FTO: variants seen among roughly 807,000 people sequenced by gnomAD.
FTO encodes the protein FTO alpha-ketoglutarate dependent dioxygenase.
Under a neutral mutation model 63.9 loss-of-function variants are expected in FTO, and 47 were observed. The ratio of observed to expected loss-of-function variants is 0.74; its 90% confidence interval spans 0.58 to 0.94. The LOEUF (loss-of-function observed/expected upper bound fraction) is 0.94. FTO is among the 40% of genes least tolerant of loss of function. FTO has a pLI of 0.00. For synonymous variants in FTO, 207 were observed against 224.4 expected (o/e 0.92, Z 0.69); for missense variants, 562 against 618.1 (o/e 0.91, Z 0.96).
At chr16:53,791,134 A>T (rs1222969203) in intron 1 of FTO, among the ~76,000 whole-genome samples, 1 of 152,226 alleles carries the variant, frequency 6.6e-6, no homozygotes, top group African/African-American at 2.4e-5. Context: ...CTTGGGAAGA[A>T]TAGTTTCAGC....
Position 53,785,841 on chromosome 16 carries a change from C to T in FTO, c.46-24299C>T, listed in dbSNP as rs189418876. On this transcript the variant is annotated intron_variant, in intron 1 of 8. Transcript: ENST00000471389. ...AGGAGAATTGCTTGAACCCGGGAGG[C>T]GGAGGTTGCAGTTAGCCGAGATTCC... is the stretch of plus-strand genomic sequence containing the variant. Among the ~76,000 whole-genome samples, 7 of 148,872 alleles carry T rather than the reference C, an allele frequency of 4.7e-5. No homozygotes were observed. In the South Asian group the frequency reaches 8.6e-4, roughly 18 times the overall value.
At chr16:53,807,119 A>G (rs933333437) in intron 1 of FTO, among the ~76,000 whole-genome samples, 1 of 152,190 alleles carries the variant, frequency 6.6e-6, no homozygotes, top group Non-Finnish European at 1.5e-5. Flanking sequence ...GTTTGTAAAT[A>G]TTGTTATTTA....
intron 3 of FTO, among the ~76,000 whole-genome samples, chr16:53,833,599 G>A (rs1000220074): frequency 3.3e-5 from 5 of 152,118 alleles, no homozygotes; most frequent in Admixed American, 1.3e-4. Context: ...GTACTTTTGC[G>A]TAGGATTGCT....
chr16:53,817,972 C>T (rs1451681388), intron 2 of FTO, among the ~76,000 whole-genome samples: 1 of 152,116 alleles, frequency 6.6e-6, no homozygotes, highest in Non-Finnish European at 1.5e-5. Context: ...ACTGCATACT[C>T]ATTGGAAAAA....
At chr16:54,019,628 T>A (rs2084540802) in intron 8 of FTO, among the ~76,000 whole-genome samples, 1 of 105,858 alleles carries the variant, frequency 9.4e-6, no homozygotes, top group Non-Finnish European at 1.7e-5. Context: ...AACACCTCGG[T>A]TTCTAGATTC....
At chr16:54,084,527 G>T (rs1380572881) in intron 8 of FTO, among the ~76,000 whole-genome samples, 3 of 152,182 alleles carry the variant, frequency 2.0e-5, no homozygotes, top group African/African-American at 7.2e-5. Context: ...GACTTAAACA[G>T]TGTATTTTCT....
chr16:54,022,477 T>C (rs530951378), intron 8 of FTO, among the ~76,000 whole-genome samples: 2 of 152,320 alleles, frequency 1.3e-5, no homozygotes, highest in East Asian at 1.9e-4. Flanking sequence ...ATTACTTTAT[T>C]TGAAACAGCA....
At chr16:53,898,175 A>G (rs2081317237) in intron 7 of FTO, among the ~76,000 whole-genome samples, 1 of 151,958 alleles carries the variant, frequency 6.6e-6, no homozygotes, top group Non-Finnish European at 1.5e-5. Flanking sequence ...GCCCTGCAGG[A>G]TCTGTCCATT....
At chr16:54,033,521 G>A (rs2084876400) in intron 8 of FTO, among the ~76,000 whole-genome samples, 1 of 152,210 alleles carries the variant, frequency 6.6e-6, no homozygotes, top group African/African-American at 2.4e-5. Context: ...ATTTGTCTTT[G>A]TAAAGGTCAG....
chr16:53,828,940 G>C lies in FTO; in HGVS notation c.751+2449G>C, dbSNP rs549988202. On this transcript the variant is annotated intron_variant, in intron 3 of 8. Coordinates refer to ENST00000471389, the MANE Select transcript of FTO (RefSeq NM_001080432.3). ...GAGTGTTGCTCTATCTCCCAGGCCG[G>C]AGTGCAGTGGCACGATCTCGGCTCA... Among the ~76,000 whole-genome samples the C allele has an allele frequency of 2.0e-5, 3 of 152,184 alleles. No individual in the cohort carries two copies. In the South Asian group the frequency reaches 6.2e-4, roughly 32 times the overall value.
chr16:53,867,086 T>TG (rs1181540167), intron 4 of FTO, among the ~76,000 whole-genome samples: 1 of 152,086 alleles, frequency 6.6e-6, no homozygotes. Flanking sequence ...GTAAGTTGTG[T>TG]TTTCACTTTC....
intron 8 of FTO, among the ~76,000 whole-genome samples, chr16:54,002,585 A>G (rs1382756780): frequency 6.6e-6 from 1 of 152,232 alleles, no homozygotes; most frequent in East Asian, 1.9e-4. Flanking sequence ...TTTCATGGAA[A>G]GAGATCTCTA....
At chr16:53,978,687 CA>C (rs1295355504) in intron 8 of FTO, among the ~76,000 whole-genome samples, 1 of 152,030 alleles carries the variant, frequency 6.6e-6, no homozygotes, top group African/African-American at 2.4e-5. Flanking sequence ...TAGAAAAGCA[CA>C]AAAGGAAAAT....
intron 8 of FTO, among the ~76,000 whole-genome samples, chr16:54,024,564 G>T (rs546245715): frequency 6.6e-6 from 1 of 152,164 alleles, no homozygotes; most frequent in Non-Finnish European, 1.5e-5. Context: ...TGCCACCAGC[G>T]ATAGAGAAGT....
Position 53,879,954 on chromosome 16 carries a change from A to C in FTO, c.1086A>C (p.Ala362=). The change falls in exon 6 of 9, where the codon GCA becomes GCC. Residue 362 remains alanine (A), a synonymous_variant. Coordinates refer to ENST00000471389, the MANE Select transcript of FTO (RefSeq NM_001080432.3). ...DDVSLKSFEP[A]VLKQGEEIHN... is the part of the protein sequence containing the mutation. ...TCTCTTTGAAATCCTTTGAGCCTGC[A>C]GTTTTGAAACAAGGAGAAGAAATTC... 6.2e-7 allele frequency: 1 copy of C among 1,613,536 alleles called. No homozygotes were observed. The highest frequency in any genetic ancestry group is 1.1e-5 in the South Asian group (1 of 91,056).
intron 7 of FTO, among the ~76,000 whole-genome samples, chr16:53,910,358 G>C (rs1170041839): frequency 1.3e-5 from 2 of 152,070 alleles, no homozygotes; most frequent in Non-Finnish European, 2.9e-5. Context: ...TTTTTGAGTA[G>C]GAAAGTGATC....
intron 8 of FTO, among the ~76,000 whole-genome samples, chr16:54,033,708 A>G (rs1178370686): frequency 6.6e-6 from 1 of 152,092 alleles, no homozygotes; most frequent in Non-Finnish European, 1.5e-5. Context: ...TACCAGCTAT[A>G]TGGGAGGCTG....
At chr16:54,088,492 A>G (rs1183753885) in intron 8 of FTO, among the ~76,000 whole-genome samples, 3 of 152,176 alleles carry the variant, frequency 2.0e-5, no homozygotes, top group Admixed American at 6.6e-5. Context: ...TTTCTTCAGT[A>G]TGTTTCTACT....
Position 53,873,828 on chromosome 16 carries a change from C to G in FTO, c.938C>G (p.Ser313Ter). 1 of 1,613,116 alleles carries G rather than the reference C, an allele frequency of 6.2e-7. No homozygotes were observed. Among genetic ancestry groups the G allele is most frequent in the Non-Finnish European group, 8.5e-7 (1 of 1,179,314 alleles). The stretch of plus-strand genomic sequence containing the variant: ...CACCAACACTGTGTTTTGGCCGGTT[C>G]ACAACCTCGGTTTAGTTCCACCCAC... ...ATHQHCVLAGSQPRFSSTHRV... is the reference protein window; with the variant it reads ...ATHQHCVLAG Residue 313 changes from serine (S) to a stop codon, truncating the protein, a stop_gained, in exon 5 of 9, where the codon TCA becomes TGA. Transcript: ENST00000471389. LOFTEE classifies it high-confidence loss of function.
Sources: gnomAD v4.1 joint callset for allele counts (sites outside exome capture counted in the v4.1 genomes callset) on GRCh38, gnomAD v4.1.1 for gene constraint, MANE v1.5 for transcripts, NCBI Gene and HGNC (gene_info 2026-07-23, HGNC 2026-07-21) for gene names.